Variants in NEK11 observed in about 807,000 individuals in gnomAD.
The protein encoded by NEK11 is serine/threonine-protein kinase Nek11.
NEK11 carries 72 observed loss-of-function variants against 80.7 expected under a neutral mutation model. The ratio of observed to expected loss-of-function variants is 0.89; its 90% confidence interval spans 0.74 to 1.08. NEK11 has a LOEUF of 1.08. Ranked by LOEUF, NEK11 falls within the 50% of genes least tolerant of loss-of-function variation. The pLI, the probability that NEK11 is intolerant of heterozygous loss-of-function variation, is 0.00. For synonymous variants in NEK11, 251 were observed against 260.7 expected, an observed-to-expected ratio of 0.96 and a Z score of 0.36; for missense variants, 764 against 763.6, an observed-to-expected ratio of 1.00 and a Z score of -0.01.
intron 3 of NEK11, among the ~76,000 whole-genome samples, chr3:131,045,569 A>G (rs985214771): frequency 6.6e-6 from 1 of 152,136 alleles, no homozygotes; most frequent in Non-Finnish European, 1.5e-5. Context: ...ATGGCTTATC[A>G]TATGGTCTGT....
intron 14 of NEK11, among the ~76,000 whole-genome samples, chr3:131,205,251 G>A (rs1232655913): frequency 6.6e-6 from 1 of 152,198 alleles, no homozygotes; most frequent in Non-Finnish European, 1.5e-5. Context: ...AATAAGAAAT[G>A]AAAGTGTTGG....
chr3:131,145,364 C>T (rs2149734851), intron 7 of NEK11, among the ~76,000 whole-genome samples: 1 of 152,180 alleles, frequency 6.6e-6, no homozygotes, highest in East Asian at 1.9e-4. Context: ...CTCCATCAAA[C>T]CAGAAAGGTG....
intron 17 of NEK11, among the ~76,000 whole-genome samples, chr3:131,279,772 C>A (rs945555027): frequency 3.9e-5 from 6 of 152,156 alleles, no homozygotes; most frequent in Non-Finnish European, 5.9e-5. Context: ...TAGTCATATG[C>A]TAGAGCCTTG....
At chr3:131,280,288 C>T (rs144085377) in intron 17 of NEK11, among the ~76,000 whole-genome samples, 102 of 152,234 alleles carry the variant, frequency 6.7e-4, no homozygotes, top group African/African-American at 2.1e-3. Context: ...TGTAGGGATA[C>T]GTGTTCTCCA....
chr3:131,331,517 T>C (rs1319143225), intron 17 of NEK11, among the ~76,000 whole-genome samples: 1 of 152,200 alleles, frequency 6.6e-6, no homozygotes, highest in African/African-American at 2.4e-5. Context: ...GGTCTACACC[T>C]CCCAGCGTGA....
intron 16 of NEK11, among the ~76,000 whole-genome samples, chr3:131,271,265 T>C (rs2096179555): frequency 6.6e-6 from 1 of 152,226 alleles, no homozygotes; most frequent in African/African-American, 2.4e-5. Context: ...GAGCAACACA[T>C]TGTTAATTTG....
At chr3:131,273,100 CTTAGT>C (rs1364783251) in intron 16 of NEK11, among the ~76,000 whole-genome samples, 1 of 152,192 alleles carries the variant, frequency 6.6e-6, no homozygotes, top group South Asian at 2.1e-4. Context: ...TTCCTAGTCA[CTTAGT>C]CAAACATCCA....
intron 17 of NEK11, among the ~76,000 whole-genome samples, chr3:131,322,783 G>T (rs2096910171): frequency 2.0e-5 from 3 of 152,270 alleles, no homozygotes; most frequent in South Asian, 4.1e-4. Context: ...TTGTCAGTCT[G>T]ACCCTGTGGG....
At chr3:131,269,513 T>C (rs998213487) in intron 16 of NEK11, among the ~76,000 whole-genome samples, 2 of 152,178 alleles carry the variant, frequency 1.3e-5, no homozygotes, top group African/African-American at 4.8e-5. Flanking sequence ...TTCCCTTGGC[T>C]AGGCGACGCC....
rs2095507609 is a variant in NEK11, at chr3:131,240,806, C to G, written c.1561-2630C>G. On this transcript the variant is annotated intron_variant, in intron 15 of 17. Transcript: ENST00000383366. ...ATTGAATCTTTCGTTATGACTAGCT[C>G]TAAGTGAGGAGATCATCTGGATTAT... Among the ~76,000 whole-genome samples, 4 of 152,180 alleles carry G rather than the reference C, an allele frequency of 2.6e-5. No homozygotes were observed. The South Asian group carries it at 8.3e-4, about 32-fold the overall frequency.
At position 131,152,390 on chromosome 3, in the gene NEK11, C is replaced by T. The variant is rs759250887; in HGVS notation, c.650C>T (p.Ser217Leu). ...QGYDTKSDIWSLACILYEMCC... is the reference protein window; with the variant it reads ...QGYDTKSDIWLLACILYEMCC... ...AAATTCTTTGACTTTGTCTTCAGGT[C>T]ACTGGCATGCATTTTGTATGAGATG... Residue 217 changes from serine (S) to leucine (L), a missense_variant and splice_region_variant, in exon 8 of 18, where the codon TCA (serine) becomes TTA (leucine). Ser to Leu is a moderately radical substitution (Grantham distance 145). Transcript: ENST00000383366. The T allele has an allele frequency of 1.3e-6, 2 of 1,593,018 alleles. No homozygotes were observed. The highest frequency in any genetic ancestry group is 2.3e-5 in the South Asian group (2 of 87,526).
In NEK11 at chr3:131,172,255, C is replaced by T. The variant is rs75158250; in HGVS notation, c.1399+1368C>T. On this transcript the variant is annotated intron_variant, in intron 14 of 17. Coordinates refer to ENST00000383366, the MANE Select transcript of NEK11 (RefSeq NM_024800.5). ...GCTGGGATCCTGGGCCAGTTGCACT[C>T]TGTGTTGTTGGAGGTCTGCAAGTGC... 2.2e-3 allele frequency among the ~76,000 whole-genome samples: 329 copies of T among 152,328 alleles called. 10 individuals carry two copies. The East Asian group carries it at 0.054, about 25-fold the overall frequency.
intron 5 of NEK11, among the ~76,000 whole-genome samples, chr3:131,115,952 T>TTCTC: frequency 7.5e-6 from 1 of 133,208 alleles, no homozygotes; most frequent in Middle Eastern, 3.8e-3. Flanking sequence ...CTTTCTTTCT[T>TTCTC]TCTTTCTTTC....
rs138234233 is a variant in NEK11 at position 131,285,020 on chromosome 3, C to T, written c.1718+11446C>T. Among the ~76,000 whole-genome samples, 25 of 152,270 alleles carry T rather than the reference C, an allele frequency of 1.6e-4. No individual in the cohort carries two copies. In the East Asian group the frequency reaches 4.8e-3, roughly 29 times the overall value. On this transcript the variant is annotated intron_variant, in intron 17 of 17. Transcript: ENST00000383366. ...ATTAGTTCTGTCCCTCTAGAGAACC[C>T]TGAAAAATGTACTCCTATTCATCCA...
At chr3:131,246,066 G>A (rs2095598140) in intron 16 of NEK11, among the ~76,000 whole-genome samples, 1 of 152,088 alleles carries the variant, frequency 6.6e-6, no homozygotes, top group Admixed American at 6.6e-5. Context: ...ATAGACCAAT[G>A]TCCAGAAGAG....
chr3:131,175,549 C>T (rs1187033347), intron 14 of NEK11, among the ~76,000 whole-genome samples: 1 of 152,152 alleles, frequency 6.6e-6, no homozygotes, highest in Non-Finnish European at 1.5e-5. Flanking sequence ...ACCAGAAGTA[C>T]TTATCTATAG....
At chr3:131,235,590 T>A (rs1397436383) in intron 15 of NEK11, among the ~76,000 whole-genome samples, 1 of 152,090 alleles carries the variant, frequency 6.6e-6, no homozygotes, top group Non-Finnish European at 1.5e-5. Flanking sequence ...AACCTGGTAA[T>A]CTGAAGGCAC....
rs1198394638 is a variant in NEK11, at chr3:131,026,878, C to A, written c.-298C>A. 2 of 152,222 alleles carry A rather than the reference C, an allele frequency of 1.3e-5. No individual in the cohort carries two copies. Among genetic ancestry groups the A allele is most frequent in the East Asian group, 1.9e-4 (1 of 5,190 alleles). The allele number at this position is 152,222 out of a possible 1,614,324, so 9.4% of individuals were successfully genotyped here. On this transcript the variant is annotated 5_prime_UTR_variant, in exon 1 of 18. Coordinates refer to ENST00000383366, the MANE Select transcript of NEK11 (RefSeq NM_024800.5). The stretch of plus-strand genomic sequence containing the variant: ...ATGCCCCGCGCCGTCTCCCTGGCCA[C>A]GGTTCCAAACAGCCGTGGCCCGCGG...
chr3:131,146,634 T>C lies in NEK11; in HGVS notation c.648-5754T>C, dbSNP rs2088342929. On this transcript the variant is annotated intron_variant, in intron 7 of 17. Coordinates refer to ENST00000383366, the MANE Select transcript of NEK11 (RefSeq NM_024800.5). Reference sequence around the variant, plus strand: ...TTTGGTTCAACTTGATGATTATATATTTTTAGTGATATTTAGCCCCTCTTG... The same window carrying C: ...TTTGGTTCAACTTGATGATTATATACTTTTAGTGATATTTAGCCCCTCTTG... 2.0e-5 allele frequency among the ~76,000 whole-genome samples: 3 copies of C among 152,302 alleles called. No homozygotes were observed. The South Asian group carries it at 6.2e-4, about 32-fold the overall frequency.
Sources: allele counts gnomAD v4.1 joint callset (sites outside exome capture counted in the v4.1 genomes callset), GRCh38; gene constraint gnomAD v4.1.1; transcripts MANE v1.5; gene names NCBI Gene and HGNC (gene_info 2026-07-23, HGNC 2026-07-21).